Variants in AGBL1 observed in about 807,000 individuals in gnomAD.
AGBL1 encodes the protein cytosolic carboxypeptidase 4.
A neutral mutation model predicts 118.9 loss-of-function variants in AGBL1; 130 were observed. The ratio of observed to expected loss-of-function variants is 1.09; its 90% confidence interval spans 0.95 to 1.26. The LOEUF (loss-of-function observed/expected upper bound fraction) is 1.26. Among genes scored for constraint, AGBL1 ranks in the 50% most tolerant of loss-of-function variants. AGBL1 has a pLI of 0.00. For missense variants in AGBL1, 1,584 were observed against 1,298.1 expected, an observed-to-expected ratio of 1.22 and a Z score of -3.38; for synonymous variants, 555 against 478.9, an observed-to-expected ratio of 1.16 and a Z score of -2.08.
At chr15:86,888,311 A>G (rs1240973613) in intron 22 of AGBL1, among the ~76,000 whole-genome samples, 1 of 152,004 alleles carries the variant, frequency 6.6e-6, no homozygotes, top group African/African-American at 2.4e-5. Flanking sequence ...GAAAGAGATT[A>G]GGCTGTCCAG....
At chr15:86,986,708 T>C (rs1283473623) in intron 23 of AGBL1, among the ~76,000 whole-genome samples, 1 of 152,138 alleles carries the variant, frequency 6.6e-6, no homozygotes, top group East Asian at 1.9e-4. Context: ...CTTCATTTAT[T>C]TGTGTTTATT....
Position 86,220,229 on chromosome 15 carries a change from G to A in AGBL1, c.489-4685G>A, listed in dbSNP as rs372863729. On this transcript the variant is annotated intron_variant, in intron 5 of 22. Transcript: ENST00000614907. Reference sequence around the variant, plus strand: ...GGCCTCCCAAAGTGCTGGGATTACAGGCATGAGCCATCAAGTCCAGTGAAT... The same window carrying A: ...GGCCTCCCAAAGTGCTGGGATTACAAGCATGAGCCATCAAGTCCAGTGAAT... 8.5e-5 allele frequency among the ~76,000 whole-genome samples: 13 copies of A among 152,290 alleles called. No individual in the cohort carries two copies. In the South Asian group the frequency reaches 2.7e-3, roughly 32 times the overall value.
chr15:86,568,305 G>A (rs2083947539), intron 21 of AGBL1, among the ~76,000 whole-genome samples: 1 of 152,004 alleles, frequency 6.6e-6, no homozygotes. Context: ...AGTTTTCTGG[G>A]GAGAATACCT....
intron 22 of AGBL1, among the ~76,000 whole-genome samples, chr15:86,900,512 T>G (rs1381790663): frequency 6.6e-6 from 1 of 152,156 alleles, no homozygotes; most frequent in Non-Finnish European, 1.5e-5. Flanking sequence ...TTGAGTATAT[T>G]TAGCACATAT....
intron 24 of AGBL1, among the ~76,000 whole-genome samples, chr15:87,006,054 G>A (rs2081497857): frequency 6.6e-6 from 1 of 152,286 alleles, no homozygotes; most frequent in African/African-American, 2.4e-5. Flanking sequence ...TTCCTCTGGA[G>A]GTTTTGTCTC....
At chr15:86,711,476 C>A (rs146251757) in intron 22 of AGBL1, among the ~76,000 whole-genome samples, 41 of 152,278 alleles carry the variant, frequency 2.7e-4, no homozygotes, top group Admixed American at 7.2e-4. Flanking sequence ...CATTTGTGTC[C>A]ATGCTTAGTC....
chr15:86,179,459 A>G (rs965500217), intron 5 of AGBL1, among the ~76,000 whole-genome samples: 1 of 152,220 alleles, frequency 6.6e-6, no homozygotes, highest in African/African-American at 2.4e-5. Flanking sequence ...AGAAAACCCG[A>G]CAATATATGA....
intron 22 of AGBL1, among the ~76,000 whole-genome samples, chr15:86,748,690 A>C (rs559009087): frequency 9.2e-4 from 140 of 151,614 alleles, no homozygotes; most frequent in African/African-American, 3.2e-3. Context: ...TTTTTGTATA[A>C]GGTGTAAGGA....
At chr15:86,395,530 A>G (rs1175732938) in intron 17 of AGBL1, among the ~76,000 whole-genome samples, 2 of 152,074 alleles carry the variant, frequency 1.3e-5, no homozygotes, top group African/African-American at 4.8e-5. Flanking sequence ...GGCCTCTTAG[A>G]GAACAAGGAC....
At chr15:86,101,138 T>C (rs1896690464) in intron 1 of AGBL1, among the ~76,000 whole-genome samples, 2 of 152,136 alleles carry the variant, frequency 1.3e-5, no homozygotes, top group African/African-American at 4.8e-5. Context: ...TCAATCAGGA[T>C]CACGTTTAAT....
At chr15:86,937,934 C>A (rs1272173598) in intron 23 of AGBL1, among the ~76,000 whole-genome samples, 1 of 152,174 alleles carries the variant, frequency 6.6e-6, no homozygotes, top group African/African-American at 2.4e-5. Context: ...AGTAGAATTG[C>A]AAGAGGTGAG....
chr15:86,585,139 T>G (rs757793069), intron 21 of AGBL1, among the ~76,000 whole-genome samples: 2 of 152,194 alleles, frequency 1.3e-5, no homozygotes, highest in Non-Finnish European at 2.9e-5. Flanking sequence ...GAGAGATAAT[T>G]TGACTTCTTC....
chr15:86,267,380 A>G (rs899159669), intron 13 of AGBL1, among the ~76,000 whole-genome samples: 3 of 152,220 alleles, frequency 2.0e-5, no homozygotes, highest in Admixed American at 2.0e-4. Flanking sequence ...TGTTTCAAAT[A>G]ATGGGTCCAT....
chr15:86,367,235 C>A (rs1395840275), intron 17 of AGBL1, among the ~76,000 whole-genome samples: 1 of 152,092 alleles, frequency 6.6e-6, no homozygotes, highest in Admixed American at 6.5e-5. Context: ...CTAAACAATG[C>A]CCTCAGAATT....
chr15:86,551,294 A>G (rs2083659858), intron 20 of AGBL1, among the ~76,000 whole-genome samples: 2 of 152,166 alleles, frequency 1.3e-5, no homozygotes, highest in Admixed American at 6.5e-5. Context: ...TTTTCATTCA[A>G]TAATTCATAA....
At chr15:86,418,689 C>A (rs373244165) in intron 18 of AGBL1, among the ~76,000 whole-genome samples, 2 of 152,154 alleles carry the variant, frequency 1.3e-5, no homozygotes, top group Non-Finnish European at 1.5e-5. Context: ...AAGCCACTGC[C>A]TTTGAAGAGT....
intron 17 of AGBL1, among the ~76,000 whole-genome samples, chr15:86,374,009 AC>A (rs1374478436): frequency 1.3e-5 from 2 of 152,216 alleles, no homozygotes; most frequent in African/African-American, 4.8e-5. Context: ...ATGAAAGTTG[AC>A]CGTCATACAG....
intron 17 of AGBL1, chr15:86,312,349 G>A (rs561198001): frequency 3.3e-5 from 5 of 152,328 alleles, no homozygotes; most frequent in African/African-American, 7.2e-5. Context: ...GCAGCCTCTC[G>A]AGGCGGTAGC....
chr15:86,352,628 T>G (rs2080645667), intron 17 of AGBL1, among the ~76,000 whole-genome samples: 2 of 152,078 alleles, frequency 1.3e-5, no homozygotes, highest in African/African-American at 4.8e-5. Flanking sequence ...ATTACAAGTG[T>G]GCACTACTGC....
Sources: allele counts gnomAD v4.1 joint callset (sites outside exome capture counted in the v4.1 genomes callset), GRCh38; gene constraint gnomAD v4.1.1; transcripts MANE v1.5; gene names NCBI Gene and HGNC (gene_info 2026-07-23, HGNC 2026-07-21).